Variants in RGS7BP observed in about 807,000 individuals in gnomAD.
RGS7BP encodes the protein regulator of G protein signaling 7-binding protein.
A neutral mutation model predicts 31.3 loss-of-function variants in RGS7BP; 9 were observed. That is an observed-to-expected ratio of 0.29 (90% CI 0.17 to 0.50). The LOEUF (loss-of-function observed/expected upper bound fraction) is 0.50. Among genes scored for constraint, RGS7BP ranks in the 20% least tolerant of loss-of-function variants. RGS7BP has a pLI of 0.98. For missense variants in RGS7BP, 274 were observed against 322.0 expected (o/e 0.85, Z 1.14); for synonymous variants, 115 against 120.1 (o/e 0.96, Z 0.28).
intron 2 of RGS7BP, among the ~76,000 whole-genome samples, chr5:64,509,884 A>G (rs1748786466): frequency 6.6e-6 from 1 of 152,192 alleles, no homozygotes; most frequent in African/African-American, 2.4e-5. Flanking sequence ...TACAATAATA[A>G]TTAAATGCAA....
intron 2 of RGS7BP, among the ~76,000 whole-genome samples, chr5:64,533,108 A>G (rs1292713177): frequency 3.9e-5 from 6 of 152,172 alleles, no homozygotes; most frequent in Non-Finnish European, 7.3e-5. Flanking sequence ...GCTATGGCCC[A>G]GGTGATGACC....
intron 5 of RGS7BP, among the ~76,000 whole-genome samples, chr5:64,602,112 ATCC>A (rs1282799541): frequency 2.6e-5 from 4 of 152,178 alleles, no homozygotes; most frequent in Non-Finnish European, 5.9e-5. Flanking sequence ...AACTCATAGC[ATCC>A]TCCTCCAATC....
chr5:64,525,041 C>A (rs181024265), intron 2 of RGS7BP, among the ~76,000 whole-genome samples: 1 of 152,200 alleles, frequency 6.6e-6, no homozygotes, highest in East Asian at 1.9e-4. Context: ...TGCCTCTACT[C>A]CATCTCATCA....
intron 2 of RGS7BP, among the ~76,000 whole-genome samples, chr5:64,547,508 G>A (rs1741686197): frequency 6.6e-6 from 1 of 152,108 alleles, no homozygotes; most frequent in African/African-American, 2.4e-5. Flanking sequence ...CCTACCTTAA[G>A]TATTTCCCAT....
At chr5:64,528,105 G>A (rs1488891437) in intron 2 of RGS7BP, among the ~76,000 whole-genome samples, 1 of 152,198 alleles carries the variant, frequency 6.6e-6, no homozygotes, top group Non-Finnish European at 1.5e-5. Flanking sequence ...CTACAAAAAT[G>A]TACTAACCTT....
At chr5:64,591,932 T>G (rs967146781) in intron 3 of RGS7BP, among the ~76,000 whole-genome samples, 62 of 152,166 alleles carry the variant, frequency 4.1e-4, no homozygotes, top group Non-Finnish European at 1.3e-4. Flanking sequence ...CTTACAAAGA[T>G]TACCTATGAA....
At chr5:64,566,015 T>TG (rs1258799706) in intron 2 of RGS7BP, among the ~76,000 whole-genome samples, 1 of 152,022 alleles carries the variant, frequency 6.6e-6, no homozygotes, top group Non-Finnish European at 1.5e-5. Flanking sequence ...CAGTGTTGGG[T>TG]AGGAGTCTGA....
chr5:64,581,031 T>C (rs1192126389), intron 3 of RGS7BP, among the ~76,000 whole-genome samples: 1 of 152,088 alleles, frequency 6.6e-6, no homozygotes. Context: ...CTGGGCAACA[T>C]GGTGAGACCC....
At chr5:64,575,599 A>G in intron 2 of RGS7BP, 175 bp from the exon 3 acceptor site, 1 of 1,211,184 alleles carries the variant, frequency 8.3e-7, no homozygotes, top group Non-Finnish European at 1.0e-6. Context: ...TCAGAAAGAG[A>G]CTTACATAAG....
chr5:64,533,409 C>A (rs1445491840), intron 2 of RGS7BP, among the ~76,000 whole-genome samples: 2 of 152,272 alleles, frequency 1.3e-5, no homozygotes, highest in Non-Finnish European at 2.9e-5. Context: ...TTCATGAGTT[C>A]CATAAATATC....
chr5:64,554,818 C>G lies in RGS7BP; in HGVS notation c.333-20956C>G, dbSNP rs114736068. Among the ~76,000 whole-genome samples the G allele has an allele frequency of 7.6e-3, 1,157 of 151,974 alleles. 15 individuals carry two copies. Among genetic ancestry groups the G allele is most frequent in the Non-Finnish European group, 0.013 (860 of 67,948 alleles). On this transcript the variant is annotated intron_variant, in intron 2 of 5. Coordinates refer to ENST00000334025, the MANE Select transcript of RGS7BP (RefSeq NM_001029875.3). Reference sequence around the variant, plus strand: ...AAAGACACAAGAGAAGAGTTGAAAACATGAGACAAAAGAGTATGTAAAAAG... The same window carrying G: ...AAAGACACAAGAGAAGAGTTGAAAAGATGAGACAAAAGAGTATGTAAAAAG...
intron 2 of RGS7BP, among the ~76,000 whole-genome samples, chr5:64,574,911 C>T (rs889830977): frequency 6.6e-6 from 1 of 152,234 alleles, no homozygotes; most frequent in East Asian, 1.9e-4. Flanking sequence ...ATAGAGTTCA[C>T]TTTTAGGCTT....
chr5:64,603,242 C>G (rs1743267362), intron 5 of RGS7BP, among the ~76,000 whole-genome samples: 2 of 152,098 alleles, frequency 1.3e-5, no homozygotes, highest in South Asian at 4.1e-4. Flanking sequence ...TAAGGAGAAG[C>G]AGAATCAAGG....
rs759011517 is a variant in RGS7BP, at chr5:64,507,789, C to G, written c.244C>G (p.Pro82Ala). The G allele has an allele frequency of 1.9e-6, 3 of 1,613,890 alleles. No individual in the cohort carries two copies. The African/African-American group carries it at 4.0e-5, about 22-fold the overall frequency. ...ISIGDVSVSC[P>A]SLRAEMHKTR... Reference sequence around the variant, plus strand: ...TATTGGGGATGTCTCGGTCAGCTGCCCCTCACTCCGGGCGGAAATGCACAA... The same window carrying G: ...TATTGGGGATGTCTCGGTCAGCTGCGCCTCACTCCGGGCGGAAATGCACAA... Residue 82 changes from proline (P) to alanine (A), a missense_variant, in exon 2 of 6, where the codon CCC becomes GCC. Transcript: ENST00000334025.
chr5:64,590,130 A>G (rs1386894003), intron 3 of RGS7BP, among the ~76,000 whole-genome samples: 1 of 152,072 alleles, frequency 6.6e-6, no homozygotes, highest in Non-Finnish European at 1.5e-5. Flanking sequence ...CCCTAGGTAT[A>G]GATAAAAGAG....
chr5:64,596,523 T>A lies in RGS7BP; in HGVS notation c.611+1666T>A, dbSNP rs554033086. On this transcript the variant is annotated intron_variant, in intron 4 of 5. Coordinates refer to ENST00000334025, the MANE Select transcript of RGS7BP (RefSeq NM_001029875.3). Reference sequence around the variant, plus strand: ...GAGGAGACAGTGCCTCAATCCCCCATGTTGCATTCCTAGCCCTTTCTCACC... The same window carrying A: ...GAGGAGACAGTGCCTCAATCCCCCAAGTTGCATTCCTAGCCCTTTCTCACC... Among the ~76,000 whole-genome samples the A allele has an allele frequency of 3.2e-4, 49 of 152,256 alleles. 1 individual carries two copies. The South Asian group carries it at 9.8e-3, about 30-fold the overall frequency.
intron 2 of RGS7BP, among the ~76,000 whole-genome samples, chr5:64,559,335 C>T (rs537606041): frequency 2.0e-4 from 30 of 152,166 alleles, no homozygotes; most frequent in Middle Eastern, 6.8e-3. Context: ...CTGGTTCCCC[C>T]GATAGTGGTT....
intron 2 of RGS7BP, among the ~76,000 whole-genome samples, chr5:64,513,858 T>C (rs1213278030): frequency 1.3e-5 from 2 of 152,242 alleles, no homozygotes; most frequent in African/African-American, 4.8e-5. Context: ...CAAAAGAATA[T>C]ACTATCCATA....
At chr5:64,570,393 A>G (rs1441471417) in intron 2 of RGS7BP, among the ~76,000 whole-genome samples, 1 of 152,098 alleles carries the variant, frequency 6.6e-6, no homozygotes, top group Non-Finnish European at 1.5e-5. Flanking sequence ...TTTTCCTAAG[A>G]TTGCAATTCT....
Sources: gnomAD v4.1 joint callset for allele counts (sites outside exome capture counted in the v4.1 genomes callset) on GRCh38, gnomAD v4.1.1 for gene constraint, MANE v1.5 for transcripts, NCBI Gene and HGNC (gene_info 2026-07-23, HGNC 2026-07-21) for gene names.